Variants in FLNB observed in about 807,000 individuals in gnomAD.
FLNB encodes the protein filamin-B.
A neutral mutation model predicts 250.6 loss-of-function variants in FLNB; 111 were observed. The observed-to-expected ratio is 0.44, with a 90% confidence interval of 0.38 to 0.52. The LOEUF (loss-of-function observed/expected upper bound fraction) is 0.52. Ranked by LOEUF, FLNB falls within the 20% of genes least tolerant of loss-of-function variation. FLNB has a pLI of 0.00. For missense variants in FLNB, 2,869 were observed against 3,447.8 expected (o/e 0.83, Z 4.20); for synonymous variants, 1,302 against 1,372.1 (o/e 0.95, Z 1.13).
chr3:58,094,930 G>A lies in FLNB; in HGVS notation c.882G>A (p.Glu294=). The change falls in exon 5 of 46, where the codon GAG becomes GAA. Residue 294 remains glutamate (E), a synonymous_variant. Coordinates refer to ENST00000295956, the MANE Select transcript of FLNB (RefSeq NM_001457.4). ...AAGGAGACGTGATGGTGTTTGTTGA[G>A]GACCCAGAAGGGAACAAAGAGGAGG... ...AGQGDVMVFV[E]DPEGNKEEAQ... 6.2e-7 allele frequency: 1 copy of A among 1,614,040 alleles called. No homozygotes were observed. The highest frequency in any genetic ancestry group is 8.5e-7 in the Non-Finnish European group (1 of 1,179,890).
rs121908898 is a variant in FLNB, at chr3:58,146,043, G to T, written c.5548G>T (p.Gly1850Ter). The T allele has an allele frequency of 6.2e-7, 1 of 1,614,212 alleles. No homozygotes were observed. Among genetic ancestry groups the T allele is most frequent in the Non-Finnish European group, 8.5e-7 (1 of 1,180,036 alleles). Residue 1850 changes from glycine (G) to a stop codon, truncating the protein, a stop_gained, in exon 33 of 46, where the codon GGA becomes TGA. Transcript: ENST00000295956. LOFTEE classifies it high-confidence loss of function. The part of the protein sequence containing the change: ...ATFTIVTEDA[G>*]EGGLDLAIEG... ...CTTCACCATCGTCACAGAGGATGCA[G>T]GAGAAGGTACTGTGTGGTTTACGTG...
intron 14 of FLNB, 34 bp from the exon 15 acceptor site, chr3:58,109,542 G>C: frequency 1.2e-6 from 2 of 1,614,098 alleles, no homozygotes; most frequent in Non-Finnish European, 1.7e-6. Context: ...CCAAGTGGAG[G>C]AGAACTTGAT....
chr3:58,123,607 C>T lies in FLNB; in HGVS notation c.3641C>T (p.Pro1214Leu). Residue 1214 changes from proline (P) to leucine (L), a missense_variant, in exon 21 of 46, where the codon CCA becomes CTA. By Grantham distance (98) the Pro-to-Leu change is moderately conservative (BLOSUM62 -3). Around this residue, in one of 5 missense-constraint regions of FLNB, gnomAD observed 1,348 missense variants for 1,466.7 expected, o/e 0.92. Transcript: ENST00000295956. ...LTMKYGGELV[P>L]HFPARVKVEP... is the part of the protein sequence containing the mutation. ...ATGAAGTATGGTGGCGAACTCGTGC[C>T]ACACTTCCCCGCCCGGGTCAAGGTG... The T allele has an allele frequency of 6.2e-7, 1 of 1,612,712 alleles. No homozygotes were observed. Among genetic ancestry groups the T allele is most frequent in the Non-Finnish European group, 8.5e-7 (1 of 1,179,920 alleles).
chr3:58,168,620 A>G lies in FLNB; in HGVS notation c.7379A>G (p.Asn2460Ser), dbSNP rs773340625. The stretch of plus-strand genomic sequence containing the variant: ...ATCAGCGTCAAATACGGTGGGCCCA[A>G]CCACATCGTGGGCAGTCCCTTCAAG... ...YLISVKYGGP[N>S]HIVGSPFKAK... The change falls in exon 44 of 46, where the codon AAC (asparagine) becomes AGC (serine). Residue 2460 changes from asparagine (N) to serine (S), a missense_variant. By Grantham distance (46) the Asn-to-Ser change is conservative. Transcript: ENST00000295956. The G allele has an allele frequency of 1.9e-6, 3 of 1,613,990 alleles. No individual in the cohort carries two copies. Among genetic ancestry groups the G allele is most frequent in the Non-Finnish European group, 2.5e-6 (3 of 1,180,004 alleles).
chr3:58,049,934 C>T (rs751870806), intron 1 of FLNB, among the ~76,000 whole-genome samples: 11 of 152,118 alleles, frequency 7.2e-5, no homozygotes, highest in Admixed American at 2.0e-4. Context: ...GGGAGGACCC[C>T]GTGGATGGGG....
chr3:58,065,561 A>T (rs990133408), intron 1 of FLNB, among the ~76,000 whole-genome samples: 2 of 152,210 alleles, frequency 1.3e-5, no homozygotes, highest in African/African-American at 4.8e-5. Context: ...CATTGTGAGG[A>T]TTGCACAAGG....
intron 1 of FLNB, among the ~76,000 whole-genome samples, chr3:58,024,763 GATTGCAATGGTGC>G (rs1244595292): frequency 1.1e-4 from 15 of 134,896 alleles, no homozygotes; most frequent in African/African-American, 3.5e-4. Flanking sequence ...TGCCAGGCTG[GATTGCAATGGTGC>G]AGTCTTGGCT....
chr3:58,073,164 T>C (rs1394260942), intron 1 of FLNB, among the ~76,000 whole-genome samples: 3 of 151,644 alleles, frequency 2.0e-5, no homozygotes, highest in Non-Finnish European at 4.4e-5. Context: ...TATTTATTTA[T>C]TTATTTATTT....
rs2097342423 is a variant in FLNB at position 58,150,117 on chromosome 3, C to T, written c.6257C>T (p.Thr2086Ile). ...TTGGGTCTTGCAGGGAGCCCATTTACCGTGAAGATCAGTGGGGAGGGAAGA... is the reference window on the plus strand; with the variant it reads ...TTGGGTCTTGCAGGGAGCCCATTTATCGTGAAGATCAGTGGGGAGGGAAGA... ...ADEHVPGSPF[T>I]VKISGEGRVK... Residue 2086 changes from threonine to isoleucine, a missense_variant, in exon 38 of 46, where the codon ACC (threonine) becomes ATC (isoleucine). By Grantham distance (89) the Thr-to-Ile change is moderately conservative. Around this residue, in one of 5 missense-constraint regions of FLNB, gnomAD observed 1,084 missense variants for 1,315.5 expected, o/e 0.82. Coordinates refer to ENST00000295956, the MANE Select transcript of FLNB (RefSeq NM_001457.4). 1 of 1,614,250 alleles carries T rather than the reference C, an allele frequency of 6.2e-7. No homozygotes were observed. The highest frequency in any genetic ancestry group is 8.5e-7 in the Non-Finnish European group (1 of 1,180,042).
At chr3:58,087,812 C>G (rs865819881) in intron 4 of FLNB, among the ~76,000 whole-genome samples, 2 of 151,782 alleles carry the variant, frequency 1.3e-5, no homozygotes, top group African/African-American at 4.8e-5. Flanking sequence ...ACGATCTCGG[C>G]TCACTGCAAC....
At position 58,101,470 on chromosome 3, in the gene FLNB, G is replaced by T. The variant is rs149242438; in HGVS notation, c.1346-733G>T. Among the ~76,000 whole-genome samples, 439 of 152,262 alleles carry T rather than the reference G, an allele frequency of 2.9e-3. 4 individuals carry two copies. Among genetic ancestry groups the T allele is most frequent in the African/African-American group, 0.01 (419 of 41,560 alleles). On this transcript the variant is annotated intron_variant, in intron 8 of 45. Transcript: ENST00000295956. Reference sequence around the variant, plus strand: ...GATACCATGGAACAGTAGTTCTGTGGACATTTCAAGTAAGGCATATTGGAA... The same window carrying T: ...GATACCATGGAACAGTAGTTCTGTGTACATTTCAAGTAAGGCATATTGGAA...
chr3:58,056,827 G>A (rs2097171364), intron 1 of FLNB, among the ~76,000 whole-genome samples: 3 of 152,256 alleles, frequency 2.0e-5, no homozygotes, highest in South Asian at 4.1e-4. Flanking sequence ...CTGACCTCCT[G>A]ATCTGCCTGC....
At chr3:58,143,410 G>T in intron 31 of FLNB, 63 bp from the exon 32 acceptor site, 3 of 1,588,676 alleles carry the variant, frequency 1.9e-6, no homozygotes, top group Non-Finnish European at 2.6e-6. Context: ...TGTGCCTTGG[G>T]CTCTGCTTCT....
At chr3:58,168,396 C>T in intron 43 of FLNB, 44 bp from the exon 44 acceptor site, 1 of 1,481,388 alleles carries the variant, frequency 6.8e-7, no homozygotes, top group Admixed American at 1.7e-5. Flanking sequence ...CCCAGGAAAG[C>T]CCTCCAAGTC....
intron 8 of FLNB, among the ~76,000 whole-genome samples, chr3:58,100,377 T>A (rs867217518): frequency 2.6e-4 from 19 of 72,516 alleles, no homozygotes; most frequent in South Asian, 1.2e-3. Context: ...AAAAAAAATA[T>A]ATATATATTT....
At position 58,134,753 on chromosome 3, in the gene FLNB, T is replaced by C; in HGVS notation, c.4652T>C (p.Leu1551Pro). Reference protein sequence around the residue: ...AIDARDAGEGLLAVQITDQEG... With the variant: ...AIDARDAGEGPLAVQITDQEG... ...GATGCCCGAGATGCCGGGGAAGGCC[T>C]GCTTGCTGTTCAAATAACGGTAACT... is the stretch of plus-strand genomic sequence containing the variant. Residue 1551 changes from leucine to proline, a missense_variant, in exon 27 of 46, where the codon CTG (leucine) becomes CCG (proline). Leu to Pro is a moderately conservative substitution (Grantham distance 98, BLOSUM62 -3). Transcript: ENST00000295956. 1 of 1,614,158 alleles carries C rather than the reference T, an allele frequency of 6.2e-7. No homozygotes were observed. Among genetic ancestry groups the C allele is most frequent in the Non-Finnish European group, 8.5e-7 (1 of 1,179,968 alleles).
Position 58,146,995 on chromosome 3 carries a change from T to C in FLNB, c.5728+2T>C. Reference sequence around the variant, plus strand: ...GCCCCTTCACAGCCAAGATCACAGGTAGGGTTGTCTGGCTTCTGGGGTCTT... The same window carrying C: ...GCCCCTTCACAGCCAAGATCACAGGCAGGGTTGTCTGGCTTCTGGGGTCTT... On this transcript the variant is annotated splice_donor_variant, in intron 34 of 45. Transcript: ENST00000295956. LOFTEE classifies it high-confidence loss of function. 1 of 1,613,538 alleles carries C rather than the reference T, an allele frequency of 6.2e-7. No homozygotes were observed.
chr3:58,160,360 A>G (rs912843510), intron 42 of FLNB, among the ~76,000 whole-genome samples: 1 of 152,180 alleles, frequency 6.6e-6, no homozygotes, highest in Non-Finnish European at 1.5e-5. Flanking sequence ...AATCAACTTT[A>G]AAGAGACAGT....
chr3:58,102,441 C>G (rs1399577572), intron 9 of FLNB, 101 bp downstream of exon 9: 5 of 1,324,634 alleles, frequency 3.8e-6, no homozygotes, highest in South Asian at 3.5e-5. Context: ...TCAATAATCC[C>G]AGAAGGCTAT....
Sources: gnomAD v4.1 joint callset for allele counts (sites outside exome capture counted in the v4.1 genomes callset) on GRCh38, gnomAD v4.1.1 for gene constraint, gnomAD v4.1.1 regional missense constraint, MANE v1.5 for transcripts, NCBI Gene and HGNC (gene_info 2026-07-23, HGNC 2026-07-21) for gene names.